Variants in MYO5B observed in about 807,000 individuals in gnomAD.
MYO5B encodes myosin VB, also known as unconventional myosin-Vb.
In MYO5B, 143 loss-of-function variants were observed where a neutral mutation model predicts 229.3. That is an observed-to-expected ratio of 0.62 (90% confidence interval 0.54 to 0.72). The LOEUF is 0.72. MYO5B is among the 30% of genes least tolerant of loss of function. The pLI is 0.00. For missense variants in MYO5B, 2,321 were observed against 2,331.0 expected (o/e 1.00, Z 0.09); for synonymous variants, 918 against 885.2 (o/e 1.04, Z -0.66).
At position 49,863,220 on chromosome 18, in the gene MYO5B, G is replaced by A. The variant is rs950081004; in HGVS notation, c.3944+7C>T. The A allele has an allele frequency of 1.9e-6, 3 of 1,610,362 alleles. No individual in the cohort carries two copies. Among genetic ancestry groups the A allele is most frequent in the Non-Finnish European group, 2.5e-6 (3 of 1,177,952 alleles). The stretch of plus-strand genomic sequence containing the variant: ...TCGTCCAGCACATTTGACCGCGGCG[G>A]CCTTACCTGTTTGTCTGGCAGACCC... On this transcript the variant is annotated splice_region_variant and intron_variant, in intron 29 of 39. Coordinates refer to ENST00000285039, the MANE Select transcript of MYO5B (RefSeq NM_001080467.3).
chr18:50,036,948 A>G lies in MYO5B; in HGVS notation c.357T>C (p.Tyr119=). 1 of 1,614,170 alleles carries G rather than the reference A, an allele frequency of 6.2e-7. No individual in the cohort carries two copies. The highest frequency in any genetic ancestry group is 8.5e-7 in the Non-Finnish European group (1 of 1,180,026). The change falls in exon 4 of 40, where the codon TAT becomes TAC. Residue 119 remains tyrosine, a synonymous_variant. Transcript: ENST00000285039. The part of the protein sequence containing the change: ...AINPYEQLPI[Y]GQDVIYTYSG... ...TGTAGGTATAGATGACATCTTGTCC[A>G]TAGATTGGCAACTGTTCATAAGGAT...
rs146882822 is a variant in MYO5B, at chr18:50,074,380, A to G, written c.28-19002T>C. On this transcript the variant is annotated intron_variant, in intron 1 of 39. Transcript: ENST00000285039. ...AAACCTATCACCATGCATTTCCTAA[A>G]CAGCAGTCAGAGCATCATTTTGAAA... Among the ~76,000 whole-genome samples, 226 of 152,266 alleles carry G rather than the reference A, an allele frequency of 1.5e-3. 1 individual carries two copies. Among genetic ancestry groups the G allele is most frequent in the Non-Finnish European group, 2.7e-3 (185 of 68,016 alleles).
intron 1 of MYO5B, among the ~76,000 whole-genome samples, chr18:50,112,006 G>A (rs1319594876): frequency 2.0e-5 from 3 of 152,148 alleles, no homozygotes; most frequent in South Asian, 2.1e-4. Flanking sequence ...CCTAGTGGGG[G>A]AAACAGGCAA....
chr18:49,915,482 C>T (rs557556871), intron 17 of MYO5B, among the ~76,000 whole-genome samples: 11 of 152,344 alleles, frequency 7.2e-5, no homozygotes, highest in South Asian at 4.1e-4. Flanking sequence ...GAAGGAAGGG[C>T]GCAGGGCGCT....
At chr18:49,911,655 G>T (rs893392095) in intron 18 of MYO5B, among the ~76,000 whole-genome samples, 3 of 152,200 alleles carry the variant, frequency 2.0e-5, no homozygotes, top group Non-Finnish European at 2.9e-5. Context: ...TCAGGGCCCA[G>T]TCACAACTGT....
chr18:50,050,565 G>C (rs1466140763), intron 2 of MYO5B, among the ~76,000 whole-genome samples: 1 of 152,164 alleles, frequency 6.6e-6, no homozygotes, highest in East Asian at 1.9e-4. Context: ...AATTATTAAA[G>C]AATACATGGT....
intron 1 of MYO5B, among the ~76,000 whole-genome samples, chr18:50,177,214 T>G (rs966058565): frequency 1.3e-5 from 2 of 151,972 alleles, no homozygotes; most frequent in Non-Finnish European, 2.9e-5. Flanking sequence ...AGCAAAGGAC[T>G]ACATGACAAA....
intron 5 of MYO5B, among the ~76,000 whole-genome samples, chr18:49,993,449 C>T (rs2025954062): frequency 6.6e-6 from 1 of 151,972 alleles, no homozygotes; most frequent in Admixed American, 6.6e-5. Context: ...CAAAGTTGAC[C>T]TAAAACTAAT....
intron 22 of MYO5B, among the ~76,000 whole-genome samples, chr18:49,893,769 C>G (rs1257608718): frequency 6.6e-6 from 1 of 152,238 alleles, no homozygotes; most frequent in Non-Finnish European, 1.5e-5. Context: ...AAGATCTATG[C>G]AAGCCCAGCA....
intron 17 of MYO5B, 54 bp downstream of exon 17, chr18:49,929,458 A>AC (rs2025165154): frequency 4.0e-6 from 6 of 1,484,446 alleles, no homozygotes; most frequent in Non-Finnish European, 5.5e-6. Context: ...GGGGAACCAA[A>AC]CTCTGGCTGC....
rs2144281541 is a variant in MYO5B, at chr18:49,974,414, T to C, written c.1258A>G (p.Ile420Val). The change falls in exon 10 of 40, where the codon ATC becomes GTC. Residue 420 changes from isoleucine (I) to valine (V), a missense_variant. Ile to Val is a conservative substitution (Grantham distance 29). Coordinates refer to ENST00000285039, the MANE Select transcript of MYO5B (RefSeq NM_001080467.3). The stretch of plus-strand genomic sequence containing the variant: ...AGGGAGGTGTGCAGGGCCTTGTTGA[T>C]GTGCTCCACAATCCAGCCGAACAAC... ...AQLFGWIVEH[I>V]NKALHTSLKQ... The C allele has an allele frequency of 1.2e-6, 2 of 1,614,156 alleles. No individual in the cohort carries two copies. The highest frequency in any genetic ancestry group is 2.2e-5 in the East Asian group (1 of 44,874).
At chr18:50,115,914 A>C (rs762532588) in intron 1 of MYO5B, among the ~76,000 whole-genome samples, 6 of 152,202 alleles carry the variant, frequency 3.9e-5, no homozygotes, top group Non-Finnish European at 7.3e-5. Flanking sequence ...CTTTTAAACG[A>C]ACAGGTTTTG....
intron 17 of MYO5B, among the ~76,000 whole-genome samples, chr18:49,917,622 C>T (rs914245189): frequency 3.9e-5 from 6 of 152,214 alleles, no homozygotes; most frequent in Non-Finnish European, 7.3e-5. Flanking sequence ...GGCCAGGAGG[C>T]GTCTTTTAAC....
intron 17 of MYO5B, among the ~76,000 whole-genome samples, chr18:49,915,826 C>A (rs2025007366): frequency 1.3e-5 from 2 of 152,210 alleles, no homozygotes; most frequent in Non-Finnish European, 2.9e-5. Context: ...TGTGTTTTAA[C>A]ACACGCCAGC....
intron 30 of MYO5B, among the ~76,000 whole-genome samples, chr18:49,855,809 G>A (rs1427274886): frequency 2.0e-5 from 3 of 152,132 alleles, no homozygotes; most frequent in African/African-American, 7.2e-5. Flanking sequence ...GATGCTCTTG[G>A]TGCAACAGTA....
intron 4 of MYO5B, among the ~76,000 whole-genome samples, chr18:50,025,715 T>C (rs778110602): frequency 1.2e-4 from 18 of 152,162 alleles, no homozygotes; most frequent in Non-Finnish European, 2.5e-4. Flanking sequence ...TTCCCTAAGA[T>C]GGAATGGCCA....
chr18:49,827,372 C>T (rs911401372), intron 39 of MYO5B, among the ~76,000 whole-genome samples: 1 of 152,202 alleles, frequency 6.6e-6, no homozygotes, highest in African/African-American at 2.4e-5. Flanking sequence ...GGGTTGTGCC[C>T]TTTGATCTGG....
Position 50,194,807 on chromosome 18 carries a change from C to T in MYO5B, c.-14G>A. ...GCCCACCGACATGGCCCGGGCCGGG[C>T]GGGGCTCGGGCCCCGGCTCCTGGCT... is the stretch of plus-strand genomic sequence containing the variant. On this transcript the variant is annotated 5_prime_UTR_variant, in exon 1 of 40. Coordinates refer to ENST00000285039, the MANE Select transcript of MYO5B (RefSeq NM_001080467.3). 2.2e-6 allele frequency: 3 copies of T among 1,341,786 alleles called. No individual in the cohort carries two copies. Among genetic ancestry groups the T allele is most frequent in the South Asian group, 1.9e-5 (1 of 52,270 alleles). The allele number at this position is 1,341,786 out of a possible 1,614,324, so 83.1% of individuals were successfully genotyped here.
chr18:50,013,743 T>A (rs544846985), intron 4 of MYO5B, among the ~76,000 whole-genome samples: 1 of 152,212 alleles, frequency 6.6e-6, no homozygotes, highest in Non-Finnish European at 1.5e-5. Flanking sequence ...CAAGATCACA[T>A]GCGAAACCTC....
Sources: gnomAD v4.1 joint callset for allele counts (sites outside exome capture counted in the v4.1 genomes callset) on GRCh38, gnomAD v4.1.1 for gene constraint, MANE v1.5 for transcripts, NCBI Gene and HGNC (gene_info 2026-07-23, HGNC 2026-07-21) for gene names.